The following CAMK1D variants were observed in gnomAD, a reference collection of about 807,000 sequenced individuals.
CAMK1D encodes calcium/calmodulin-dependent protein kinase type 1D.
A neutral mutation model predicts 47.7 loss-of-function variants in CAMK1D; 9 were observed. The ratio of observed to expected loss-of-function variants is 0.19; its 90% CI spans 0.11 to 0.33. CAMK1D has a LOEUF of 0.33. Among genes scored for constraint, CAMK1D ranks in the 10% least tolerant of loss-of-function variants. The probability of loss-of-function intolerance (pLI) is 1.00; values close to 1 mark genes in which losing one functional copy is unlikely to be tolerated. For missense variants in CAMK1D, 291 were observed against 488.7 expected (o/e 0.60, Z 3.81); for synonymous variants, 184 against 184.9 (o/e 0.99, Z 0.04).
chr10:12,578,301 T>C (rs1226774164), intron 2 of CAMK1D, among the ~76,000 whole-genome samples: 2 of 152,066 alleles, frequency 1.3e-5, no homozygotes, highest in Non-Finnish European at 2.9e-5. Context: ...ATCCCAGGAC[T>C]TTGGAAGGCT....
intron 1 of CAMK1D, among the ~76,000 whole-genome samples, chr10:12,463,925 C>A (rs571929666): frequency 3.4e-4 from 51 of 152,182 alleles, no homozygotes; most frequent in African/African-American, 1.2e-3. Context: ...CTCCTTCCTG[C>A]CGCCTTGTGA....
chr10:12,589,948 C>T (rs556612126), intron 2 of CAMK1D, among the ~76,000 whole-genome samples: 22 of 152,246 alleles, frequency 1.4e-4, no homozygotes, highest in Non-Finnish European at 2.4e-4. Context: ...ATGTGCCAAA[C>T]CTCAGAGCCA....
At chr10:12,641,551 C>T (rs368833532) in intron 2 of CAMK1D, among the ~76,000 whole-genome samples, 2 of 150,426 alleles carry the variant, frequency 1.3e-5, no homozygotes, top group South Asian at 2.1e-4. Flanking sequence ...CTGGGGAGGT[C>T]GAGGCTGCAG....
chr10:12,782,574 T>TC (rs1164942388), intron 5 of CAMK1D, among the ~76,000 whole-genome samples: 1 of 152,246 alleles, frequency 6.6e-6, no homozygotes, highest in Non-Finnish European at 1.5e-5. Flanking sequence ...ATACGCAGTG[T>TC]CGCAAACTGT....
intron 1 of CAMK1D, among the ~76,000 whole-genome samples, chr10:12,541,897 T>TTC (rs2132246739): frequency 6.6e-6 from 1 of 150,982 alleles, no homozygotes; most frequent in Admixed American, 6.6e-5. Context: ...CTTTTTTTTT[T>TTC]TCAGGTCTCT....
At chr10:12,794,354 G>A (rs945066782) in intron 6 of CAMK1D, among the ~76,000 whole-genome samples, 5 of 151,990 alleles carry the variant, frequency 3.3e-5, no homozygotes, top group Admixed American at 6.6e-5. Flanking sequence ...TAGGAAGGGG[G>A]GTGAGATCAA....
Position 12,735,901 on chromosome 10 carries a change from GAGA to G in CAMK1D, c.300-25044_300-25042del, listed in dbSNP as rs1384578630. ...CACCACACTCAGATTGCAAAGGAAA[GAGA>G]AGGATAAGCTGATTTTGATTGAAAT... On this transcript the variant is annotated intron_variant, in intron 3 of 10. Transcript: ENST00000619168. Among the ~76,000 whole-genome samples, 3 of 152,206 alleles carry G rather than the reference GAGA, an allele frequency of 2.0e-5. No individual in the cohort carries two copies. The East Asian group carries it at 5.8e-4, about 29-fold the overall frequency.
intron 1 of CAMK1D, among the ~76,000 whole-genome samples, chr10:12,417,140 C>T (rs1025804976): frequency 6.6e-6 from 1 of 152,120 alleles, no homozygotes; most frequent in Non-Finnish European, 1.5e-5. Flanking sequence ...TACCTCAGTG[C>T]CTGGCATATA....
At chr10:12,811,994 C>G (rs2131072558) in intron 6 of CAMK1D, among the ~76,000 whole-genome samples, 1 of 152,298 alleles carries the variant, frequency 6.6e-6, no homozygotes, top group African/African-American at 2.4e-5. Context: ...GCTCTTAGTC[C>G]CTAAGGCAAC....
intron 3 of CAMK1D, among the ~76,000 whole-genome samples, chr10:12,726,989 G>A (rs1184871940): frequency 1.3e-5 from 2 of 152,168 alleles, no homozygotes; most frequent in East Asian, 1.9e-4. Context: ...TCAGGCCTAC[G>A]GCACGCCATG....
intron 2 of CAMK1D, among the ~76,000 whole-genome samples, chr10:12,627,213 C>T (rs1839245756): frequency 6.6e-6 from 1 of 151,726 alleles, no homozygotes; most frequent in South Asian, 2.1e-4. Flanking sequence ...TCCCGAGTAG[C>T]TGGGACTACA....
chr10:12,729,233 A>G (rs1588856933), intron 3 of CAMK1D, among the ~76,000 whole-genome samples: 2 of 152,234 alleles, frequency 1.3e-5, no homozygotes, highest in African/African-American at 2.4e-5. Context: ...CTAGGTTACA[A>G]AATTCAATAA....
chr10:12,700,984 G>A (rs1005563107), intron 3 of CAMK1D, among the ~76,000 whole-genome samples: 7 of 152,136 alleles, frequency 4.6e-5, no homozygotes, highest in South Asian at 4.1e-4. Flanking sequence ...CAGTCTAAAG[G>A]TCAGTGCCTA....
intron 2 of CAMK1D, among the ~76,000 whole-genome samples, chr10:12,645,889 C>G (rs565202255): frequency 1.3e-5 from 2 of 152,076 alleles, no homozygotes; most frequent in Non-Finnish European, 2.9e-5. Flanking sequence ...AATTTCTCTT[C>G]TTTCACCGTG....
chr10:12,540,850 G>C (rs892032107), intron 1 of CAMK1D, among the ~76,000 whole-genome samples: 4 of 151,358 alleles, frequency 2.6e-5, no homozygotes, highest in Non-Finnish European at 4.4e-5. Flanking sequence ...ACCTACTAAA[G>C]TTAAGGATAT....
chr10:12,418,925 A>G (rs1431534789), intron 1 of CAMK1D, among the ~76,000 whole-genome samples: 3 of 152,142 alleles, frequency 2.0e-5, no homozygotes, highest in South Asian at 2.1e-4. Context: ...GAGAGTGGCC[A>G]TAGGTGGAAG....
intron 3 of CAMK1D, among the ~76,000 whole-genome samples, chr10:12,746,173 G>GCTAACACGGTGAAGATCATCCTGA (rs1835664835): frequency 6.6e-6 from 1 of 151,982 alleles, no homozygotes; most frequent in African/African-American, 2.4e-5. Flanking sequence ...GATCATCCTG[G>GCTAACACGGTGAAGATCATCCTGA]CTAACACGGT....
Position 12,804,629 on chromosome 10 carries a change from A to G in CAMK1D, c.642-9566A>G, listed in dbSNP as rs553775304. On this transcript the variant is annotated intron_variant, in intron 6 of 10. Transcript: ENST00000619168. The stretch of plus-strand genomic sequence containing the variant: ...ATAAATAAATAAATAAATAAATACT[A>G]TTGAGTGCTAATGAAAGATACAGGC... Among the ~76,000 whole-genome samples the G allele has an allele frequency of 2.0e-5, 3 of 151,862 alleles. No homozygotes were observed. The South Asian group carries it at 6.3e-4, about 32-fold the overall frequency.
At chr10:12,626,550 T>C (rs1839221529) in intron 2 of CAMK1D, among the ~76,000 whole-genome samples, 1 of 151,352 alleles carries the variant, frequency 6.6e-6, no homozygotes, top group African/African-American at 2.4e-5. Flanking sequence ...CTTGGCTCAC[T>C]GTAATCTCTG....
Sources: allele counts gnomAD v4.1 joint callset (sites outside exome capture counted in the v4.1 genomes callset), GRCh38; gene constraint gnomAD v4.1.1; transcripts MANE v1.5; gene names NCBI Gene and HGNC (gene_info 2026-07-23, HGNC 2026-07-21).